Variants in ZNF683 observed in about 807,000 individuals in gnomAD.
The protein encoded by ZNF683 is tissue-resident T-cell transcription regulator protein ZNF683.
A neutral mutation model predicts 31.4 loss-of-function variants in ZNF683; 20 were observed. That is an observed-to-expected ratio of 0.64 (90% CI 0.45 to 0.93). The LOEUF is 0.93. Among genes scored for constraint, ZNF683 ranks in the 40% least tolerant of loss-of-function variants. The pLI, the probability that ZNF683 is intolerant of heterozygous loss-of-function variation, is 0.00. For synonymous variants in ZNF683, 264 were observed against 267.6 expected (o/e 0.99, Z 0.13); for missense variants, 621 against 637.2 (o/e 0.97, Z 0.27).
At chr1:26,367,216 A>T (rs1443553508) in intron 3 of ZNF683, among the ~76,000 whole-genome samples, 2 of 151,970 alleles carry the variant, frequency 1.3e-5, no homozygotes, top group African/African-American at 4.8e-5. Context: ...CGGTGACTGG[A>T]GATCATGCCA....
chr1:26,374,315 A>C, upstream of ZNF683: 1 of 1,304,176 alleles, frequency 7.7e-7, no homozygotes, highest in Middle Eastern at 2.1e-4. Flanking sequence ...CCCTCCTGGC[A>C]TCACACTCTG....
chr1:26,370,674 C>A (rs868030047), intron 1 of ZNF683: 2 of 985,742 alleles, frequency 2.0e-6, no homozygotes, highest in African/African-American at 1.7e-5. Context: ...GCTCTCCACT[C>A]GGTGCTGCAG....
chr1:26,372,494 G>T lies in ZNF683; in HGVS notation c.-15+175C>A. The T allele has an allele frequency of 3.1e-6, 4 of 1,304,628 alleles. No individual in the cohort carries two copies. In the Middle Eastern group the frequency reaches 6.4e-4, roughly 208 times the overall value. 80.8% of individuals were successfully genotyped at this position (1,304,628 alleles called of 1,614,324 possible). A position where few individuals can be genotyped will look rare whatever the true frequency, so the allele number is the denominator to read the frequency against. ...CTTCATGCAGGCATACATGGACTAGGTCGATCAGATGTCCCCACCCAGAAG... is the reference window on the plus strand; with the variant it reads ...CTTCATGCAGGCATACATGGACTAGTTCGATCAGATGTCCCCACCCAGAAG... On this transcript the variant is annotated intron_variant, in intron 1 of 5. Coordinates refer to ENST00000349618, the MANE Select transcript of ZNF683 (RefSeq NM_001114759.3).
upstream of ZNF683, chr1:26,373,254 G>A (rs1322276238): frequency 2.6e-5 from 4 of 152,452 alleles, no homozygotes; most frequent in Non-Finnish European, 4.4e-5. Context: ...CAAGTGTGGT[G>A]GCACGTGCCT....
At chr1:26,371,369 G>A (rs1170028902) in intron 1 of ZNF683, among the ~76,000 whole-genome samples, 1 of 152,070 alleles carries the variant, frequency 6.6e-6, no homozygotes, top group Non-Finnish European at 1.5e-5. Context: ...GGAGACCAAG[G>A]CAGACCCATC....
chr1:26,367,544 C>A (rs760081263), intron 3 of ZNF683, 49 bp downstream of exon 3: 8 of 1,477,444 alleles, frequency 5.4e-6, no homozygotes, highest in Non-Finnish European at 7.2e-6. Context: ...GTGCCCCCCA[C>A]CCTCCAGCCT....
intron 4 of ZNF683, among the ~76,000 whole-genome samples, chr1:26,364,106 A>G (rs1476327581): frequency 6.6e-6 from 1 of 152,220 alleles, no homozygotes; most frequent in Non-Finnish European, 1.5e-5. Flanking sequence ...GTCTAGACTC[A>G]CCAAAATCTA....
intron 3 of ZNF683, among the ~76,000 whole-genome samples, chr1:26,366,568 A>G (rs912365454): frequency 6.6e-5 from 10 of 152,078 alleles, no homozygotes; most frequent in Non-Finnish European, 1.3e-4. Flanking sequence ...ACTTTTATGG[A>G]TGAAGAAACC....
At chr1:26,374,222 G>A, upstream of ZNF683, 3 of 1,301,148 alleles carry the variant, frequency 2.3e-6, no homozygotes, top group Non-Finnish European at 3.0e-6. Context: ...GGAATCACAG[G>A]GAAGTGAGGG....
In ZNF683 at chr1:26,367,754, T is replaced by C. The variant is rs10794531; in HGVS notation, c.158A>G (p.His53Arg). ...CAGCCAGCTGGCACAGGATGGGCCA[T>C]GAGCATCCACCATGTCTGGAAGTGG... ...CRPLPDMVDA[H>R]GPSCASWLCP... The change falls in exon 3 of 6, where the codon CAT (histidine) becomes CGT (arginine). Residue 53 changes from histidine to arginine, a missense_variant. By Grantham distance (29) the His-to-Arg change is conservative. Transcript: ENST00000349618. 522,161 of 1,606,706 alleles carry C rather than the reference T, an allele frequency of 0.32. 91,503 individuals carry two copies. Among genetic ancestry groups the C allele is most frequent in the East Asian group, 0.63 (28,000 of 44,546 alleles).
chr1:26,363,076 G>C lies in ZNF683; in HGVS notation c.1093C>G (p.Leu365Val). ...CQKSFTQLAH[L>V]QKHHLVHTGE... ...GTGTGCACCAGGTGGTGCTTCTGCA[G>C]GTGGGCAAGTTGAGTGAAGCTCTTC... The change falls in exon 5 of 6, where the codon CTG (leucine) becomes GTG (valine). Residue 365 changes from leucine (L) to valine (V), a missense_variant. By Grantham distance (32) the Leu-to-Val change is conservative (BLOSUM62 1). Coordinates refer to ENST00000349618, the MANE Select transcript of ZNF683 (RefSeq NM_001114759.3). The C allele has an allele frequency of 6.2e-7, 1 of 1,612,614 alleles. No individual in the cohort carries two copies. The highest frequency in any genetic ancestry group is 8.5e-7 in the Non-Finnish European group (1 of 1,179,336).
chr1:26,361,853 G>A lies in ZNF683; in HGVS notation c.1313C>T (p.Thr438Ile), dbSNP rs564231977. The A allele has an allele frequency of 1.3e-5, 21 of 1,614,042 alleles. No homozygotes were observed. The African/African-American group carries it at 2.4e-4, about 18-fold the overall frequency. ...HAPQPCGLVH[T>I]QLPLASLACL... Reference sequence around the variant, plus strand: ...GGCCAGAGAGGCCAGGGGCAGCTGGGTGTGCACCAGGCCACAGGGCTGTGG... The same window carrying A: ...GGCCAGAGAGGCCAGGGGCAGCTGGATGTGCACCAGGCCACAGGGCTGTGG... Residue 438 changes from threonine (T) to isoleucine (I), a missense_variant, in exon 6 of 6, where the codon ACC becomes ATC. By Grantham distance (89) the Thr-to-Ile change is moderately conservative. Transcript: ENST00000349618.
At chr1:26,366,634 C>T (rs1469417220) in intron 3 of ZNF683, among the ~76,000 whole-genome samples, 2 of 152,040 alleles carry the variant, frequency 1.3e-5, no homozygotes, top group Non-Finnish European at 2.9e-5. Flanking sequence ...ACCGAGACTC[C>T]AACCCCAATT....
At chr1:26,367,385 A>C (rs554741439) in intron 3 of ZNF683, among the ~76,000 whole-genome samples, 1 of 152,270 alleles carries the variant, frequency 6.6e-6, no homozygotes, top group African/African-American at 2.4e-5. Flanking sequence ...GCCAGTGCCC[A>C]GCTTCTCTGG....
intron 4 of ZNF683, 53 bp from the exon 5 acceptor site, chr1:26,363,207 C>A: frequency 6.4e-7 from 1 of 1,565,974 alleles, no homozygotes; most frequent in South Asian, 1.1e-5. Context: ...CCTAGCAGGG[C>A]CTGAGGTCCT....
chr1:26,363,555 C>A (rs2074438728), intron 4 of ZNF683, among the ~76,000 whole-genome samples: 1 of 151,880 alleles, frequency 6.6e-6, no homozygotes, highest in East Asian at 1.9e-4. Flanking sequence ...ATCAATGGAG[C>A]CCAGGAGTTC....
At chr1:26,371,634 G>T (rs1337057364) in intron 1 of ZNF683, among the ~76,000 whole-genome samples, 1 of 146,470 alleles carries the variant, frequency 6.8e-6, no homozygotes, top group African/African-American at 2.5e-5. Flanking sequence ...AGCAAAATGG[G>T]TGTAAGGCAT....
At chr1:26,368,002 C>A (rs2074572138) in intron 2 of ZNF683, among the ~76,000 whole-genome samples, 2 of 152,308 alleles carry the variant, frequency 1.3e-5, no homozygotes, top group South Asian at 4.1e-4. Flanking sequence ...CAAGATTGCC[C>A]TCCTCCTGTC....
chr1:26,374,165 C>T, upstream of ZNF683: 1 of 1,143,004 alleles, frequency 8.7e-7, no homozygotes, highest in South Asian at 1.4e-5. Flanking sequence ...AGGAAGAGCC[C>T]TCTCAGACCC....
Sources: allele counts gnomAD v4.1 joint callset (sites outside exome capture counted in the v4.1 genomes callset), GRCh38; gene constraint gnomAD v4.1.1; transcripts MANE v1.5; gene names NCBI Gene and HGNC (gene_info 2026-07-23, HGNC 2026-07-21).